The following COL23A1 variants were observed in gnomAD, a reference collection of about 807,000 sequenced individuals.
COL23A1 encodes the protein collagen type XXIII alpha 1 chain.
COL23A1 carries 97 observed loss-of-function variants against 99.3 expected under a neutral mutation model. The ratio of observed to expected loss-of-function variants is 0.98; its 90% CI spans 0.83 to 1.16. COL23A1 has a LOEUF of 1.16. Among genes scored for constraint, COL23A1 ranks in the 50% most tolerant of loss-of-function variants. The pLI is 0.00. For missense variants in COL23A1, 762 were observed against 757.4 expected, an observed-to-expected ratio of 1.01 and a Z score of -0.07; for synonymous variants, 320 against 308.2, an observed-to-expected ratio of 1.04 and a Z score of -0.40.
At position 178,468,546 on chromosome 5, in the gene COL23A1, GGCCCCGTCC is replaced by G. The variant is rs1449599639; in HGVS notation, c.361+92127_361+92135del. Among the ~76,000 whole-genome samples, 2 of 151,896 alleles carry G rather than the reference GGCCCCGTCC, an allele frequency of 1.3e-5. No homozygotes were observed. Among genetic ancestry groups the G allele is most frequent in the Non-Finnish European group, 2.9e-5 (2 of 67,972 alleles). On this transcript the variant is annotated intron_variant, in intron 2 of 28. Transcript: ENST00000390654. This position sits in a 1 kb window ranked among gnomAD's most constrained non-coding sequence, Gnocchi z 4.2. The stretch of plus-strand genomic sequence containing the variant: ...ATCTGCTCACACCCAGGCCTCACCC[GGCCCCGTCC>G]CTCTGAGCTGACCTCAGGCTGCAGG...
In COL23A1 at chr5:178,257,504, A is replaced by G; in HGVS notation, c.774+19T>C. On this transcript the variant is annotated intron_variant, in intron 13 of 28. Transcript: ENST00000390654. ...GGAGGTGGGGGCAGGGGGCCACGAG[A>G]GGAGGGGCAGATACTCACCTTGGGC... is the stretch of plus-strand genomic sequence containing the variant. 1 of 1,565,200 alleles carries G rather than the reference A, an allele frequency of 6.4e-7. No individual in the cohort carries two copies. The highest frequency in any genetic ancestry group is 8.7e-7 in the Non-Finnish European group (1 of 1,154,566).
intron 2 of COL23A1, among the ~76,000 whole-genome samples, chr5:178,379,884 A>C: frequency 6.6e-6 from 1 of 150,660 alleles, no homozygotes; most frequent in Non-Finnish European, 1.5e-5. Context: ...TCCATCTCAA[A>C]AAAAAAAAAA....
intron 1 of COL23A1, among the ~76,000 whole-genome samples, chr5:178,586,137 G>A (rs1336373802): frequency 6.6e-6 from 1 of 152,202 alleles, no homozygotes; most frequent in Non-Finnish European, 1.5e-5. Flanking sequence ...ACTCAGGTGT[G>A]GCCAAGTCGC....
chr5:178,536,409 C>T (rs569032749), intron 2 of COL23A1, among the ~76,000 whole-genome samples: 2 of 152,370 alleles, frequency 1.3e-5, no homozygotes, highest in East Asian at 3.9e-4. Flanking sequence ...GCTATGCTCA[C>T]AAAACCCACA....
At chr5:178,276,827 C>A (rs989389178) in intron 5 of COL23A1, among the ~76,000 whole-genome samples, 2 of 152,240 alleles carry the variant, frequency 1.3e-5, no homozygotes, top group Non-Finnish European at 2.9e-5. Flanking sequence ...TGGAGCACTT[C>A]TTCCTGGGAC....
At position 178,515,798 on chromosome 5, in the gene COL23A1, G is replaced by A. The variant is rs559788614; in HGVS notation, c.361+44884C>T. Reference sequence around the variant, plus strand: ...TGCCCCTTTCCTCCACAGCCCACTCGCCTGCTCTCCTTCCCTTCCACAGCT... The same window carrying A: ...TGCCCCTTTCCTCCACAGCCCACTCACCTGCTCTCCTTCCCTTCCACAGCT... On this transcript the variant is annotated intron_variant, in intron 2 of 28. Coordinates refer to ENST00000390654, the MANE Select transcript of COL23A1 (RefSeq NM_173465.4). Among the ~76,000 whole-genome samples, 29 of 151,966 alleles carry A rather than the reference G, an allele frequency of 1.9e-4. No individual in the cohort carries two copies. In the South Asian group the frequency reaches 2.3e-3, roughly 12 times the overall value.
chr5:178,532,699 G>A (rs1285831780), intron 2 of COL23A1, among the ~76,000 whole-genome samples: 1 of 152,196 alleles, frequency 6.6e-6, no homozygotes, highest in Non-Finnish European at 1.5e-5. Flanking sequence ...TCCCAACTGT[G>A]ATGATGGCAT....
rs1226112751 is a variant in COL23A1, at chr5:178,280,736, C to T, written c.441+7588G>A. On this transcript the variant is annotated intron_variant, in intron 5 of 28. Coordinates refer to ENST00000390654, the MANE Select transcript of COL23A1 (RefSeq NM_173465.4). This position sits in a 1 kb window ranked among gnomAD's most constrained non-coding sequence, Gnocchi z 4.9. ...ATATCACAGGCAAAACAGCAAAGCG[C>T]AGGACCAACCCCCTCTGCTGGGCCC... 1.3e-5 allele frequency among the ~76,000 whole-genome samples: 2 copies of T among 152,100 alleles called. No homozygotes were observed. Among genetic ancestry groups the T allele is most frequent in the Admixed American group, 6.5e-5 (1 of 15,272 alleles).
intron 2 of COL23A1, among the ~76,000 whole-genome samples, chr5:178,399,311 C>T (rs1195361916): frequency 2.0e-5 from 3 of 152,082 alleles, no homozygotes; most frequent in African/African-American, 4.8e-5. Context: ...AAAGGGAGGG[C>T]CCCTGGGAGG....
At chr5:178,391,487 G>A (rs903211599) in intron 2 of COL23A1, among the ~76,000 whole-genome samples, 2 of 152,202 alleles carry the variant, frequency 1.3e-5, no homozygotes, top group Admixed American at 6.5e-5. Flanking sequence ...CATAGGAAAC[G>A]TCATTAGACA....
intron 2 of COL23A1, among the ~76,000 whole-genome samples, chr5:178,545,044 A>C (rs1341264921): frequency 6.6e-6 from 1 of 152,214 alleles, no homozygotes; most frequent in African/African-American, 2.4e-5. Context: ...AGCCGTGATC[A>C]TTGCACTCCA....
intron 20 of COL23A1, 85 bp from the exon 21 acceptor site, chr5:178,247,916 CGA>C (rs1301041635): frequency 3.3e-6 from 4 of 1,200,564 alleles, no homozygotes; most frequent in Middle Eastern, 1.9e-4. Flanking sequence ...ACTGCTGGAT[CGA>C]GAGTCTCCTT....
chr5:178,315,635 G>A (rs949756269), intron 2 of COL23A1, among the ~76,000 whole-genome samples: 5 of 152,132 alleles, frequency 3.3e-5, no homozygotes, highest in African/African-American at 1.2e-4. Flanking sequence ...GGCAGGGCAC[G>A]GGAAGGGGAC....
chr5:178,583,955 C>T (rs1763786561), intron 1 of COL23A1, among the ~76,000 whole-genome samples: 1 of 152,186 alleles, frequency 6.6e-6, no homozygotes, highest in South Asian at 2.1e-4. Context: ...CCTTAAACAC[C>T]TGGGCTCGAG....
chr5:178,523,145 T>A (rs770413793), intron 2 of COL23A1, among the ~76,000 whole-genome samples: 897 of 52,828 alleles, frequency 0.017, 16 homozygotes, highest in African/African-American at 0.086. Flanking sequence ...TATTTAAAAA[T>A]ATATATATAT....
At chr5:178,451,848 C>A (rs1322902642) in intron 2 of COL23A1, among the ~76,000 whole-genome samples, 1 of 151,926 alleles carries the variant, frequency 6.6e-6, no homozygotes, top group Non-Finnish European at 1.5e-5. Flanking sequence ...AAGTTTCAAT[C>A]TCCTAAGAGA....
At chr5:178,508,236 CTA>C (rs1402379375) in intron 2 of COL23A1, among the ~76,000 whole-genome samples, 2 of 152,158 alleles carry the variant, frequency 1.3e-5, no homozygotes, top group African/African-American at 4.8e-5. Flanking sequence ...TATTAAGACT[CTA>C]TTCTTAATTT....
intron 25 of COL23A1, among the ~76,000 whole-genome samples, chr5:178,242,905 G>T (rs1428269827): frequency 6.6e-6 from 1 of 152,132 alleles, no homozygotes; most frequent in African/African-American, 2.4e-5. Flanking sequence ...CACAGAATTG[G>T]ATTCATTGTG....
In COL23A1 at chr5:178,560,684, G is replaced by T; in HGVS notation, c.359C>A (p.Pro120Gln). ...AAGGGAGCTCAACCTTCACTTACCT[G>T]GGGGGCAGACACATTCGGATGGAGC... ...REAPSECVCP[P>Q]GPPGRRGKPG... The change falls in exon 2 of 29, where the codon CCA (proline) becomes CAA (glutamine). Residue 120 changes from proline to glutamine, a missense_variant and splice_region_variant. Transcript: ENST00000390654. 1 of 1,612,250 alleles carries T rather than the reference G, an allele frequency of 6.2e-7. No individual in the cohort carries two copies. The highest frequency in any genetic ancestry group is 8.5e-7 in the Non-Finnish European group (1 of 1,179,322).
Sources: allele counts gnomAD v4.1 joint callset (sites outside exome capture counted in the v4.1 genomes callset), GRCh38; gene constraint gnomAD v4.1.1; non-coding constraint Gnocchi (gnomAD v3.1); transcripts MANE v1.5; gene names NCBI Gene and HGNC (gene_info 2026-07-23, HGNC 2026-07-21).